Variants in ZNF285 observed in about 807,000 individuals in gnomAD.
ZNF285 encodes zinc finger protein 285, also known as zinc finger protein 285A.
Under a neutral mutation model 6.2 loss-of-function variants are expected in ZNF285, and 4 were observed. The ratio of observed to expected loss-of-function variants is 0.65; its 90% CI spans 0.32 to 1.49. ZNF285 has a LOEUF of 1.49. ZNF285 is among the 40% of genes most tolerant of loss of function. The pLI, the probability that ZNF285 is intolerant of heterozygous loss-of-function variation, is 0.07. For synonymous variants in ZNF285, 240 were observed against 245.8 expected (o/e 0.98, Z 0.22); for missense variants, 695 against 708.8 (o/e 0.98, Z 0.22).
At chr19:44,393,774 G>C (rs1971235745) in intron 2 of ZNF285, among the ~76,000 whole-genome samples, 1 of 152,134 alleles carries the variant, frequency 6.6e-6, no homozygotes, top group African/African-American at 2.4e-5. Context: ...GTGCTGGAGA[G>C]GATGTGGAGA....
chr19:44,390,235 A>T (rs751967503), intron 3 of ZNF285, among the ~76,000 whole-genome samples: 23 of 152,066 alleles, frequency 1.5e-4, no homozygotes, highest in Admixed American at 1.3e-4. Flanking sequence ...AACACTCAAC[A>T]CCAGCCCATG....
In ZNF285 at chr19:44,384,111, G is replaced by A. The variant is rs1449744876; in HGVS notation, c.*2361C>T. ...AATGTTTGCAAGTAGGAGTACTGGA[G>A]TATGTGGTGGACATGGACAATAACA... is the stretch of plus-strand genomic sequence containing the variant. On this transcript the variant is annotated 3_prime_UTR_variant, in exon 4 of 4. Transcript: ENST00000614994. 1 of 152,172 alleles carries A rather than the reference G, an allele frequency of 6.6e-6. No individual in the cohort carries two copies. Among genetic ancestry groups the A allele is most frequent in the East Asian group, 1.9e-4 (1 of 5,198 alleles). The allele number at this position is 152,172 out of a possible 1,614,324, so 9.4% of individuals were successfully genotyped here.
chr19:44,392,260 G>A (rs1971208277), intron 3 of ZNF285, 80 bp downstream of exon 3: 3 of 1,585,628 alleles, frequency 1.9e-6, no homozygotes, highest in Middle Eastern at 1.7e-4. Flanking sequence ...TTCTCTTTGT[G>A]GTCTAACTGG....
At chr19:44,393,961 G>A (rs917607076) in intron 2 of ZNF285, among the ~76,000 whole-genome samples, 28 of 152,102 alleles carry the variant, frequency 1.8e-4, no homozygotes, top group South Asian at 1.5e-3. Flanking sequence ...ACATGCACAC[G>A]TATGTTTATT....
At chr19:44,397,058 C>T (rs1971292961) in intron 2 of ZNF285, 141 bp downstream of exon 2, 2 of 1,227,402 alleles carry the variant, frequency 1.6e-6, no homozygotes, top group Non-Finnish European at 1.1e-6. Flanking sequence ...AAACCACCTG[C>T]CTCACAAAGT....
chr19:44,392,261 G>A lies in ZNF285; in HGVS notation c.142+79C>T, dbSNP rs112810483. 3,905 of 1,587,142 alleles carry A rather than the reference G, an allele frequency of 2.5e-3. 119 individuals are homozygous for A. The African/African-American group carries it at 0.047, about 19-fold the overall frequency. On this transcript the variant is annotated intron_variant, in intron 3 of 3. Transcript: ENST00000614994. ...CCAGTGGCCAAAGTTTCTCTTTGTG[G>A]TCTAACTGGAATATTCTATCTGGTT...
In ZNF285 at chr19:44,386,956, C is replaced by A. The variant is rs1568383586; in HGVS notation, c.1289G>T (p.Cys430Phe). The A allele has an allele frequency of 6.2e-7, 1 of 1,614,126 alleles. No individual in the cohort carries two copies. Among genetic ancestry groups the A allele is most frequent in the Non-Finnish European group, 8.5e-7 (1 of 1,180,026 alleles). The change falls in exon 4 of 4, where the codon TGT (cysteine) becomes TTT (phenylalanine). Residue 430 changes from cysteine to phenylalanine, a missense_variant. Transcript: ENST00000614994. ...RFHTGEKPYR[C>F]GECGKGFSQC... ...GCTGAAGCCCTTTCCACACTCACCA[C>A]ACCTATATGGTTTCTCCCCTGTGTG... is the stretch of plus-strand genomic sequence containing the variant.
At chr19:44,394,566 A>G (rs192465032) in intron 2 of ZNF285, 385 of 591,004 alleles carry the variant, frequency 6.5e-4, no homozygotes, top group Middle Eastern at 1.9e-3. Flanking sequence ...GAAAGAAGAA[A>G]AGAAAATTTT....
chr19:44,398,621 T>C (rs1307251773), intron 1 of ZNF285, among the ~76,000 whole-genome samples: 3 of 152,160 alleles, frequency 2.0e-5, no homozygotes, highest in Non-Finnish European at 4.4e-5. Context: ...TATTGCAGTA[T>C]CCTTTGTTGA....
Position 44,392,427 on chromosome 19 carries a change from T to C in ZNF285, c.55A>G (p.Lys19Glu). The change falls in exon 3 of 4, where the codon AAG becomes GAG. Residue 19 changes from lysine to glutamate, a missense_variant. Coordinates refer to ENST00000614994, the MANE Select transcript of ZNF285 (RefSeq NM_152354.6). ...TTATCCAATAGTGCCAGCTCTTCCTTGGTGAAGACAACAGCCACATCCTTG... is the reference window on the plus strand; with the variant it reads ...TTATCCAATAGTGCCAGCTCTTCCTCGGTGAAGACAACAGCCACATCCTTG... The part of the protein sequence containing the change: ...TFKDVAVVFT[K>E]EELALLDKAQ... 6.2e-7 allele frequency: 1 copy of C among 1,613,858 alleles called. No individual in the cohort carries two copies. The highest frequency in any genetic ancestry group is 8.5e-7 in the Non-Finnish European group (1 of 1,179,826).
chr19:44,395,173 T>A (rs1315964480), intron 2 of ZNF285, among the ~76,000 whole-genome samples: 2 of 152,206 alleles, frequency 1.3e-5, no homozygotes, highest in Admixed American at 1.3e-4. Flanking sequence ...ACCAAATTTA[T>A]AAATGAATAA....
At chr19:44,395,915 C>T (rs1971272827) in intron 2 of ZNF285, among the ~76,000 whole-genome samples, 1 of 152,122 alleles carries the variant, frequency 6.6e-6, no homozygotes, top group African/African-American at 2.4e-5. Flanking sequence ...ATATCCATGG[C>T]ATTGGCTTTA....
intron 3 of ZNF285, among the ~76,000 whole-genome samples, chr19:44,391,199 C>T (rs1375789601): frequency 6.6e-6 from 1 of 151,798 alleles, no homozygotes; most frequent in Non-Finnish European, 1.5e-5. Context: ...CTTCTCTTGT[C>T]TGCCACCATG....
Position 44,387,326 on chromosome 19 carries a change from G to C in ZNF285, c.919C>G (p.Gln307Glu), listed in dbSNP as rs1436771671. The change falls in exon 4 of 4, where the codon CAG becomes GAG. Residue 307 changes from glutamine to glutamate, a missense_variant. Gln to Glu is a conservative substitution (Grantham distance 29). Transcript: ENST00000614994. The stretch of plus-strand genomic sequence containing the variant: ...GGTTTGTCTCCTGAGGAGACTTTCT[G>C]ATATCTGGGAAGGTCTGAGCTCTGT... The part of the protein sequence containing the change: ...CKQSSDLPRY[Q>E]KVSSGDKPYK... 8 of 1,614,170 alleles carry C rather than the reference G, an allele frequency of 5.0e-6. No homozygotes were observed. Among genetic ancestry groups the C allele is most frequent in the Non-Finnish European group, 6.8e-6 (8 of 1,180,018 alleles).
chr19:44,397,525 G>A lies in ZNF285; in HGVS notation c.-43-269C>T, dbSNP rs575812678. On this transcript the variant is annotated intron_variant, in intron 1 of 3. Coordinates refer to ENST00000614994, the MANE Select transcript of ZNF285 (RefSeq NM_152354.6). ...ATTCTTTTCCTTTTCTGAGACTTGT[G>A]AATGAACTGACATAATCTACATCTC... 1.9e-4 allele frequency among the ~76,000 whole-genome samples: 29 copies of A among 152,210 alleles called. 1 individual carries two copies. The highest frequency in any genetic ancestry group is 6.5e-4 in the African/African-American group (27 of 41,500).
Position 44,387,282 on chromosome 19 carries a change from A to C in ZNF285, c.963T>G (p.Cys321Trp), listed in dbSNP as rs1286273588. The C allele has an allele frequency of 1.2e-6, 2 of 1,614,160 alleles. No homozygotes were observed. The highest frequency in any genetic ancestry group is 1.7e-6 in the Non-Finnish European group (2 of 1,180,028). Residue 321 changes from cysteine to tryptophan, a missense_variant, in exon 4 of 4, where the codon TGT (cysteine) becomes TGG (tryptophan). Transcript: ENST00000614994. The part of the protein sequence containing the change: ...SGDKPYKCKE[C>W]GKGFRRSSSL... ...AAGAGCTGCGCCTGAAGCCCTTGCC[A>C]CATTCTTTACATTTGTAGGGTTTGT...
chr19:44,394,058 C>T (rs1292370692), intron 2 of ZNF285, among the ~76,000 whole-genome samples: 4 of 152,108 alleles, frequency 2.6e-5, no homozygotes, highest in Non-Finnish European at 2.9e-5. Flanking sequence ...GGCATATATA[C>T]ACCATGGAAT....
intron 1 of ZNF285, among the ~76,000 whole-genome samples, chr19:44,400,382 G>T (rs575926974): frequency 1.8e-3 from 279 of 151,930 alleles, no homozygotes; most frequent in South Asian, 5.4e-3. Context: ...AATAAATGCT[G>T]CTATTACACC....
intron 2 of ZNF285, chr19:44,394,527 T>C (rs1226485933): frequency 3.9e-5 from 22 of 569,606 alleles, no homozygotes; most frequent in Non-Finnish European, 1.2e-5. Context: ...AACCTGCACA[T>C]GTATCCCTTG....
Sources: gnomAD v4.1 joint callset for allele counts (sites outside exome capture counted in the v4.1 genomes callset) on GRCh38, gnomAD v4.1.1 for gene constraint, MANE v1.5 for transcripts, NCBI Gene and HGNC (gene_info 2026-07-23, HGNC 2026-07-21) for gene names.